ZNF532: variants seen among roughly 807,000 people sequenced by gnomAD.
ZNF532 encodes zinc finger protein 532.
Under a neutral mutation model 89.3 loss-of-function variants are expected in ZNF532, and 22 were observed. That is an observed-to-expected ratio of 0.25 (90% CI 0.18 to 0.35). The LOEUF (loss-of-function observed/expected upper bound fraction) is 0.35, where lower values mean the gene tolerates loss of function less well. Ranked by LOEUF, ZNF532 falls within the 10% of genes least tolerant of loss-of-function variation. The pLI is 1.00. For missense variants in ZNF532, 1,132 were observed against 1,643.4 expected (o/e 0.69, Z 5.38); for synonymous variants, 606 against 649.6 (o/e 0.93, Z 1.02).
At chr18:58,873,868 C>A (rs1374732761) in intron 2 of ZNF532, among the ~76,000 whole-genome samples, 1 of 152,182 alleles carries the variant, frequency 6.6e-6, no homozygotes. Flanking sequence ...TGATATAAAC[C>A]TGATTGCCTG....
At chr18:58,874,789 C>T (rs1013901470) in intron 2 of ZNF532, among the ~76,000 whole-genome samples, 1 of 152,124 alleles carries the variant, frequency 6.6e-6, no homozygotes, top group African/African-American at 2.4e-5. Context: ...GAAAATATGC[C>T]AGGTTAGCAA....
intron 2 of ZNF532, among the ~76,000 whole-genome samples, chr18:58,904,079 G>A (rs2145723153): frequency 6.6e-6 from 1 of 152,310 alleles, no homozygotes; most frequent in South Asian, 2.1e-4. Flanking sequence ...AGCTGGCCAT[G>A]GTGGTTCATG....
At chr18:58,980,255 A>G (rs780672074) in intron 8 of ZNF532, 15 of 152,242 alleles carry the variant, frequency 9.9e-5, no homozygotes, top group Admixed American at 2.6e-4. Flanking sequence ...GTTGAGACCA[A>G]ATCAAAAGAA....
At chr18:58,898,326 T>C (rs1476993738) in intron 2 of ZNF532, among the ~76,000 whole-genome samples, 2 of 152,218 alleles carry the variant, frequency 1.3e-5, no homozygotes, top group Non-Finnish European at 2.9e-5. Flanking sequence ...ATCATCATAA[T>C]GGCTCCGAGG....
At chr18:58,873,693 G>A (rs780257419) in intron 2 of ZNF532, among the ~76,000 whole-genome samples, 1 of 151,912 alleles carries the variant, frequency 6.6e-6, no homozygotes, top group Non-Finnish European at 1.5e-5. Flanking sequence ...CACCCACCTC[G>A]GCCTCCTAAA....
intron 2 of ZNF532, among the ~76,000 whole-genome samples, chr18:58,901,095 G>C (rs1272988037): frequency 3.3e-5 from 5 of 152,140 alleles, no homozygotes; most frequent in Non-Finnish European, 5.9e-5. Context: ...TACCTTCATA[G>C]TATTGACCCA....
intron 2 of ZNF532, among the ~76,000 whole-genome samples, chr18:58,872,506 C>T (rs1282067006): frequency 6.6e-6 from 1 of 151,954 alleles, no homozygotes; most frequent in African/African-American, 2.4e-5. Flanking sequence ...AATTCAAAGC[C>T]CTCTGTTTTA....
intron 7 of ZNF532, among the ~76,000 whole-genome samples, chr18:58,971,230 G>A (rs960317546): frequency 6.6e-6 from 1 of 152,140 alleles, no homozygotes; most frequent in Non-Finnish European, 1.5e-5. Context: ...ATCTAGGCAC[G>A]TGACAGTGAT....
intron 2 of ZNF532, among the ~76,000 whole-genome samples, chr18:58,878,048 A>G (rs1417512033): frequency 6.6e-6 from 1 of 152,144 alleles, no homozygotes; most frequent in Non-Finnish European, 1.5e-5. Flanking sequence ...AGAGGTCAGG[A>G]GTTCGAGACC....
chr18:58,882,943 TA>T (rs2058037684), intron 2 of ZNF532, among the ~76,000 whole-genome samples: 1 of 152,226 alleles, frequency 6.6e-6, no homozygotes, highest in Admixed American at 6.5e-5. Context: ...TGTGTGTGTG[TA>T]TTTAATCTAA....
At chr18:58,935,496 T>G (rs571127369) in intron 4 of ZNF532, among the ~76,000 whole-genome samples, 1 of 28,756 alleles carries the variant, frequency 3.5e-5, no homozygotes, top group Non-Finnish European at 6.5e-5. Flanking sequence ...TCTTCCCCCC[T>G]TCCTCCTCCT....
intron 2 of ZNF532, among the ~76,000 whole-genome samples, chr18:58,887,157 GCAACACA>G (rs2145157054): frequency 6.6e-6 from 1 of 152,006 alleles, no homozygotes; most frequent in Admixed American, 6.6e-5. Context: ...GGCTTATTCC[GCAACACA>G]GTTGCGTAGG....
chr18:58,919,526 C>T lies in ZNF532; in HGVS notation c.1239C>T (p.Ala413=), dbSNP rs369685172. 17 of 1,614,172 alleles carry T rather than the reference C, an allele frequency of 1.1e-5. No individual in the cohort carries two copies. Among genetic ancestry groups the T allele is most frequent in the East Asian group, 6.7e-5 (3 of 44,880 alleles). Residue 413 remains alanine (A), a synonymous_variant, in exon 3 of 10, where the codon GCC becomes GCT. Coordinates refer to ENST00000591808, the MANE Select transcript of ZNF532 (RefSeq NM_001375912.1). This position sits in a 1 kb window ranked among gnomAD's most constrained non-coding sequence, Gnocchi z 6.1. ...CCCTTCTGTCGTCTCCAGCATCAGCCGCCGTCCTTTCCTCTCCCCCCAGGG... is the reference window on the plus strand; with the variant it reads ...CCCTTCTGTCGTCTCCAGCATCAGCTGCCGTCCTTTCCTCTCCCCCCAGGG... ...VTSLLSSPAS[A]AVLSSPPRAP...
intron 5 of ZNF532, among the ~76,000 whole-genome samples, chr18:58,940,844 A>T (rs2062922491): frequency 1.4e-5 from 2 of 141,678 alleles, no homozygotes; most frequent in Admixed American, 1.4e-4. Context: ...TTTGCTGTCC[A>T]AATCTGTTGC....
At chr18:58,926,230 C>G (rs1053085642) in intron 3 of ZNF532, 1 of 152,212 alleles carries the variant, frequency 6.6e-6, no homozygotes, top group Non-Finnish European at 1.5e-5. Context: ...GGCATAGATT[C>G]ATCATTTATT....
At chr18:58,869,315 G>A (rs1453083471) in intron 2 of ZNF532, among the ~76,000 whole-genome samples, 1 of 152,218 alleles carries the variant, frequency 6.6e-6, no homozygotes, top group African/African-American at 2.4e-5. Flanking sequence ...AGACACACGA[G>A]AGATGATCAT....
chr18:58,951,646 G>GTTTTTTTTTTTGGTTTTTTT (rs760650267), intron 6 of ZNF532, among the ~76,000 whole-genome samples: 1 of 72,592 alleles, frequency 1.4e-5, no homozygotes, highest in Non-Finnish European at 2.4e-5. Flanking sequence ...TCGCCCTGTT[G>GTTTTTTTTTTTGGTTTTTTT]TTTTTTTTTT....
At chr18:58,975,440 A>C (rs2066936674) in intron 7 of ZNF532, among the ~76,000 whole-genome samples, 1 of 152,178 alleles carries the variant, frequency 6.6e-6, no homozygotes, top group African/African-American at 2.4e-5. Flanking sequence ...ACCCGTAAGC[A>C]CAGAAACAGA....
At chr18:58,970,384 A>C (rs1268197838) in intron 7 of ZNF532, among the ~76,000 whole-genome samples, 1 of 152,218 alleles carries the variant, frequency 6.6e-6, no homozygotes, top group Non-Finnish European at 1.5e-5. Flanking sequence ...ATAATAAGAG[A>C]AATAACATGT....
Sources: allele counts gnomAD v4.1 joint callset (sites outside exome capture counted in the v4.1 genomes callset), GRCh38; gene constraint gnomAD v4.1.1; non-coding constraint Gnocchi (gnomAD v3.1); transcripts MANE v1.5; gene names NCBI Gene and HGNC (gene_info 2026-07-23, HGNC 2026-07-21).